CACNB4: variants seen among roughly 807,000 people sequenced by gnomAD.
The protein encoded by CACNB4 is calcium voltage-gated channel auxiliary subunit beta 4, also known as voltage-dependent L-type calcium channel subunit beta-4.
A neutral mutation model predicts 71.2 loss-of-function variants in CACNB4; 32 were observed. The ratio of observed to expected loss-of-function variants is 0.45; its 90% CI spans 0.34 to 0.60. The LOEUF (loss-of-function observed/expected upper bound fraction) is 0.60. CACNB4 is among the 20% of genes least tolerant of loss of function. CACNB4 has a pLI of 0.01. For missense variants in CACNB4, 464 were observed against 647.9 expected (o/e 0.72, Z 3.08); for synonymous variants, 231 against 236.9 (o/e 0.97, Z 0.23).
intron 2 of CACNB4, among the ~76,000 whole-genome samples, chr2:151,989,055 C>T (rs780699271): frequency 6.6e-6 from 1 of 152,184 alleles, no homozygotes; most frequent in Non-Finnish European, 1.5e-5. Context: ...TCTTTTCATT[C>T]CATTTCAGTG....
chr2:151,862,454 A>G (rs1397319120), intron 9 of CACNB4, among the ~76,000 whole-genome samples: 1 of 152,168 alleles, frequency 6.6e-6, no homozygotes, highest in African/African-American at 2.4e-5. Context: ...AAAATTTTAG[A>G]ACTGTTAGAC....
chr2:151,870,581 G>GC lies in CACNB4; in HGVS notation c.648_649insG (p.Pro217AlafsTer28), dbSNP rs1353917636. The GC allele has an allele frequency of 6.2e-7, 1 of 1,613,802 alleles. No individual in the cohort carries two copies. ...ACTAACACCACCGGACGCATTGACGGTACAACATCGTAAGGAGGAATGTGC... is the reference window on the plus strand; with the variant it reads ...ACTAACACCACCGGACGCATTGACGGCTACAACATCGTAAGGAGGAATGTGC... On this transcript the variant is annotated frameshift_variant, in exon 8 of 14. Coordinates refer to ENST00000539935, the MANE Select transcript of CACNB4 (RefSeq NM_000726.5). LOFTEE classifies it high-confidence loss of function.
At chr2:151,942,916 G>A (rs549072679) in intron 2 of CACNB4, among the ~76,000 whole-genome samples, 1 of 152,284 alleles carries the variant, frequency 6.6e-6, no homozygotes, top group East Asian at 1.9e-4. Context: ...GCTGAACATA[G>A]ACCCTTATCA....
intron 2 of CACNB4, among the ~76,000 whole-genome samples, chr2:152,074,107 T>G (rs1002207060): frequency 6.6e-6 from 1 of 151,968 alleles, no homozygotes; most frequent in Non-Finnish European, 1.5e-5. Flanking sequence ...AACAATGTTA[T>G]GCAGTCATCA....
rs797045425 is a variant in CACNB4, at chr2:152,098,962, G to A, written c.50C>T (p.Ser17Phe). 1 of 1,524,278 alleles carries A rather than the reference G, an allele frequency of 6.6e-7. No homozygotes were observed. The highest frequency in any genetic ancestry group is 8.8e-7 in the Non-Finnish European group (1 of 1,136,952). 94.4% of individuals were successfully genotyped at this position (1,524,278 alleles called of 1,614,324 possible). ...AKNGTADGPH[S>F]PTSQVARGTT... Reference sequence around the variant, plus strand: ...AGGGGGCGGTACCTGCGAGGTGGGGGAGTGCGGCCCGTCCGCGGTCCCGTT... The same window carrying A: ...AGGGGGCGGTACCTGCGAGGTGGGGAAGTGCGGCCCGTCCGCGGTCCCGTT... The change falls in exon 1 of 14, where the codon TCC becomes TTC. Residue 17 changes from serine to phenylalanine, a missense_variant. Ser to Phe is a radical substitution (Grantham distance 155). Coordinates refer to ENST00000539935, the MANE Select transcript of CACNB4 (RefSeq NM_000726.5). This position sits in a 1 kb window ranked among gnomAD's most constrained non-coding sequence, Gnocchi z 5.3.
chr2:151,883,080 A>G (rs2099848388), intron 3 of CACNB4, 171 bp downstream of exon 3: 1 of 626,140 alleles, frequency 1.6e-6, no homozygotes, highest in Non-Finnish European at 2.8e-6. Flanking sequence ...GCCTCTTTGG[A>G]GATGTTACTA....
Position 152,098,715 on chromosome 2 carries a change from G to C in CACNB4, c.63+234C>G. ...TCCGCTGGGGGAGGCTGCGGGCTCC[G>C]GAGCGGGAGCGCAGAGACCCGAAGG... On this transcript the variant is annotated intron_variant, in intron 1 of 13. Transcript: ENST00000539935. The surrounding 1 kb of genome is among the most constrained non-coding windows in gnomAD (Gnocchi z 5.3). 1 of 1,552,906 alleles carries C rather than the reference G, an allele frequency of 6.4e-7. No homozygotes were observed. The highest frequency in any genetic ancestry group is 1.4e-5 in the African/African-American group (1 of 73,366).
chr2:151,986,557 C>A (rs1257074697), intron 2 of CACNB4, among the ~76,000 whole-genome samples: 1 of 152,178 alleles, frequency 6.6e-6, no homozygotes, highest in African/African-American at 2.4e-5. Context: ...TCATCTATAG[C>A]TATTGATATT....
rs180740595 is a variant in CACNB4, at chr2:151,863,555, C to G, written c.759-2735G>C. On this transcript the variant is annotated intron_variant, in intron 9 of 13. Transcript: ENST00000539935. ...AATGATGTTTGGAGGGCCCAACAAC[C>G]CAGAAAGTTGAATTCCAGTCTCCTT... Among the ~76,000 whole-genome samples, 86 of 152,200 alleles carry G rather than the reference C, an allele frequency of 5.7e-4. 1 individual carries two copies. The highest frequency in any genetic ancestry group is 1.8e-3 in the African/African-American group (76 of 41,504).
chr2:151,949,525 G>T (rs776768351), intron 2 of CACNB4, among the ~76,000 whole-genome samples: 1 of 152,108 alleles, frequency 6.6e-6, no homozygotes, highest in Non-Finnish European at 1.5e-5. Flanking sequence ...AGGCAAGAAG[G>T]TATAAAACAG....
At chr2:151,888,386 G>A (rs1035640869) in intron 2 of CACNB4, among the ~76,000 whole-genome samples, 2 of 151,710 alleles carry the variant, frequency 1.3e-5, no homozygotes, top group Admixed American at 1.3e-4. Flanking sequence ...ACATAGTAAG[G>A]CCCCATATCT....
intron 2 of CACNB4, among the ~76,000 whole-genome samples, chr2:152,072,107 T>C (rs1163698296): frequency 2.6e-5 from 4 of 152,326 alleles, no homozygotes; most frequent in South Asian, 4.1e-4. Flanking sequence ...TAGATGACAA[T>C]AATTGAGAGG....
At chr2:151,867,467 T>G (rs1384990704) in intron 9 of CACNB4, 2 of 152,226 alleles carry the variant, frequency 1.3e-5, no homozygotes, top group South Asian at 2.1e-4. Flanking sequence ...ATTGGAGAAA[T>G]GATGAGTCTA....
At position 151,860,591 on chromosome 2, in the gene CACNB4, G is replaced by A. The variant is rs1180191091; in HGVS notation, c.868+120C>T. 4.1e-6 allele frequency: 3 copies of A among 722,912 alleles called. No homozygotes were observed. The South Asian group carries it at 4.7e-5, about 11-fold the overall frequency. 44.8% of individuals were successfully genotyped at this position (722,912 alleles called of 1,614,324 possible). A position where few individuals can be genotyped will look rare whatever the true frequency, so the allele number is the denominator to read the frequency against. On this transcript the variant is annotated intron_variant, in intron 10 of 13. Transcript: ENST00000539935. The stretch of plus-strand genomic sequence containing the variant: ...TGTCCATAGCTAGCATTCTTTTTAG[G>A]TACTCAGTGCTCCCCCGTTCAGAAT...
In CACNB4 at chr2:151,859,562, T is replaced by G. The variant is rs186858095; in HGVS notation, c.868+1149A>C. 5.3e-5 allele frequency: 8 copies of G among 152,324 alleles called. No individual in the cohort carries two copies. In the East Asian group the frequency reaches 9.6e-4, roughly 18 times the overall value. The allele number at this position is 152,324 out of a possible 1,614,324, so 9.4% of individuals were successfully genotyped here. A position where few individuals can be genotyped will look rare whatever the true frequency, so the allele number is the denominator to read the frequency against. On this transcript the variant is annotated intron_variant, in intron 10 of 13. Transcript: ENST00000539935. ...ACCTAATAGGATTCACCATCAACAC[T>G]GCCATTGTACCTCTTCAAGGTCAAA...
At chr2:151,881,550 G>A (rs1423767726) in intron 3 of CACNB4, among the ~76,000 whole-genome samples, 1 of 152,208 alleles carries the variant, frequency 6.6e-6, no homozygotes, top group Non-Finnish European at 1.5e-5. Context: ...ACAGCACTGT[G>A]GGGACACGTA....
intron 2 of CACNB4, among the ~76,000 whole-genome samples, chr2:152,035,474 C>T (rs1323329557): frequency 1.3e-5 from 2 of 152,230 alleles, no homozygotes; most frequent in East Asian, 1.9e-4. Context: ...GCAGGAGAAT[C>T]GCTTGAACCC....
intron 2 of CACNB4, among the ~76,000 whole-genome samples, chr2:151,980,449 T>C (rs1339701396): frequency 6.6e-6 from 1 of 152,218 alleles, no homozygotes; most frequent in Non-Finnish European, 1.5e-5. Flanking sequence ...CCTCTCAATC[T>C]GCCCCCATTA....
rs866545072 is a variant in CACNB4, at chr2:151,957,876, T to C, written c.148-74506A>G. ...CTAAACCAGCATTTCCCTAATTGTATTCTGTAGTATACTAGTTATTCAAGT... is the reference window on the plus strand; with the variant it reads ...CTAAACCAGCATTTCCCTAATTGTACTCTGTAGTATACTAGTTATTCAAGT... On this transcript the variant is annotated intron_variant, in intron 2 of 13. Transcript: ENST00000539935. 3.9e-5 allele frequency among the ~76,000 whole-genome samples: 6 copies of C among 152,364 alleles called. No homozygotes were observed. In the South Asian group the frequency reaches 1.2e-3, roughly 32 times the overall value.
Sources: allele counts gnomAD v4.1 joint callset (sites outside exome capture counted in the v4.1 genomes callset), GRCh38; gene constraint gnomAD v4.1.1; non-coding constraint Gnocchi (gnomAD v3.1); transcripts MANE v1.5; gene names NCBI Gene and HGNC (gene_info 2026-07-23, HGNC 2026-07-21).